The following KIF11 variants were observed in gnomAD, a reference collection of about 807,000 sequenced individuals.
KIF11 encodes kinesin family member 11.
Under a neutral mutation model 121.0 loss-of-function variants are expected in KIF11, and 9 were observed. The ratio of observed to expected loss-of-function variants is 0.07; its 90% confidence interval spans 0.04 to 0.13. The LOEUF is 0.13. Among genes scored for constraint, KIF11 ranks in the 10% least tolerant of loss-of-function variants. The probability of loss-of-function intolerance (pLI) is 1.00; values close to 1 mark genes in which losing one functional copy is unlikely to be tolerated. For missense variants in KIF11, 846 were observed against 1,217.5 expected (o/e 0.69, Z 4.54); for synonymous variants, 408 against 421.0 (o/e 0.97, Z 0.38).
At position 92,651,507 on chromosome 10, in the gene KIF11, G is replaced by GTTTTTTTTTTTTTTTTTTTTTTTTT. The variant is rs1175303233; in HGVS notation, c.3039+1007_3039+1031dup. On this transcript the variant is annotated intron_variant, in intron 21 of 21. Transcript: ENST00000260731. ...TGTGCCACCATGCCTGGCTAATTTT[G>GTTTTTTTTTTTTTTTTTTTTTTTTT]TTTTTTTTTTTTTTTTTTTTTTTTT... is the stretch of plus-strand genomic sequence containing the variant. Among the ~76,000 whole-genome samples the GTTTTTTTTTTTTTTTTTTTTTTTTT allele has an allele frequency of 1.3e-4, 7 of 52,974 alleles. 1 individual carries two copies. Among genetic ancestry groups the GTTTTTTTTTTTTTTTTTTTTTTTTT allele is most frequent in the Admixed American group, 5.1e-4 (2 of 3,942 alleles). 34.8% of individuals were successfully genotyped at this position (52,974 alleles called of 152,430 possible).
chr10:92,649,838 C>A lies in KIF11; in HGVS notation c.2774C>A (p.Thr925Lys). 6.2e-7 allele frequency: 1 copy of A among 1,600,630 alleles called. No homozygotes were observed. Among genetic ancestry groups the A allele is most frequent in the Non-Finnish European group, 8.5e-7 (1 of 1,170,194 alleles). Residue 925 changes from threonine to lysine, a missense_variant, in exon 20 of 22, where the codon ACG (threonine) becomes AAG (lysine). Thr to Lys is a moderately conservative substitution (Grantham distance 78). Transcript: ENST00000260731. ...QDLKLDIPTG[T>K]TPQRKSYLYP... ...TCTTATCTAATGTCCGTTAAAGGTA[C>A]GACACCACAGAGGAAAAGTTATTTA...
chr10:92,621,500 T>G, intron 10 of KIF11, 27 bp downstream of exon 10: 1 of 1,368,968 alleles, frequency 7.3e-7, no homozygotes, highest in African/African-American at 1.4e-5. Context: ...GGAGTTAATT[T>G]CCAAGAATAA....
chr10:92,606,386 A>G lies in KIF11; in HGVS notation c.199A>G (p.Thr67Ala). The change falls in exon 2 of 22, where the codon ACT becomes GCT. Residue 67 changes from threonine to alanine, a missense_variant. Transcript: ENST00000260731. ...LADKSSRKTY[T>A]FDMVFGASTK... ...TGACAAGAGCTCAAGGAAAACATAC[A>G]CTTTTGATATGGTAACATATGGTGC... is the stretch of plus-strand genomic sequence containing the variant. The G allele has an allele frequency of 1.2e-6, 2 of 1,603,562 alleles. No homozygotes were observed. The highest frequency in any genetic ancestry group is 1.7e-6 in the Non-Finnish European group (2 of 1,177,314).
chr10:92,651,876 G>A (rs759867568), intron 21 of KIF11, among the ~76,000 whole-genome samples: 1 of 149,708 alleles, frequency 6.7e-6, no homozygotes, highest in African/African-American at 2.4e-5. Flanking sequence ...TAGACAGAGT[G>A]TGTGAAGGAA....
intron 20 of KIF11, 95 bp from the exon 21 acceptor site, chr10:92,650,306 T>C (rs1844967218): frequency 2.8e-6 from 2 of 724,876 alleles, no homozygotes; most frequent in South Asian, 1.6e-5. Context: ...TTTTATATTA[T>C]ACCATGGGCA....
At chr10:92,612,511 T>C (rs1291051569) in intron 6 of KIF11, among the ~76,000 whole-genome samples, 3 of 152,224 alleles carry the variant, frequency 2.0e-5, no homozygotes, top group Non-Finnish European at 4.4e-5. Flanking sequence ...TGTAGTGTTT[T>C]AGTAATCATG....
At chr10:92,649,285 G>C (rs1844955405) in intron 19 of KIF11, among the ~76,000 whole-genome samples, 1 of 152,128 alleles carries the variant, frequency 6.6e-6, no homozygotes. Context: ...TAAATCATGA[G>C]AGCATGAGCT....
intron 1 of KIF11, among the ~76,000 whole-genome samples, chr10:92,594,438 C>G (rs1296433179): frequency 6.6e-6 from 1 of 152,150 alleles, no homozygotes; most frequent in East Asian, 1.9e-4. Context: ...AGTTGTTGTA[C>G]TCTGGGGCTT....
Position 92,593,320 on chromosome 10 carries a change from G to A in KIF11, c.-56G>A. The A allele has an allele frequency of 6.5e-7, 1 of 1,546,882 alleles. No individual in the cohort carries two copies. The highest frequency in any genetic ancestry group is 1.2e-5 in the South Asian group (1 of 84,638). ...CCCCTGTCGGCCGCCAAGCCCCTCC[G>A]CCCCTCACAGCGCCCAGGTCCGCGG... On this transcript the variant is annotated 5_prime_UTR_variant, in exon 1 of 22. Transcript: ENST00000260731.
Position 92,609,079 on chromosome 10 carries a change from T to A in KIF11, c.447T>A (p.Asp149Glu). Residue 149 changes from aspartate to glutamate, a missense_variant, in exon 5 of 22, where the codon GAT becomes GAA. Physicochemically the swap from Asp to Glu is conservative, Grantham distance 45. Transcript: ENST00000260731. ...ATCAAATTTTTGAGAAACTTACTGA[T>A]AATGGTACTGAATTTTCAGTCAAAG... ...TLHQIFEKLTDNGTEFSVKVS... is the reference protein window; with the variant it reads ...TLHQIFEKLTENGTEFSVKVS... 1.2e-6 allele frequency: 2 copies of A among 1,603,218 alleles called. No individual in the cohort carries two copies. The highest frequency in any genetic ancestry group is 1.7e-6 in the Non-Finnish European group (2 of 1,174,432).
intron 1 of KIF11, among the ~76,000 whole-genome samples, chr10:92,599,526 A>G (rs1171508577): frequency 6.8e-6 from 1 of 147,108 alleles, no homozygotes; most frequent in Non-Finnish European, 1.5e-5. Context: ...CTCTGTCTCA[A>G]AAAAAAAAAA....
At chr10:92,625,614 G>T (rs777412431) in intron 10 of KIF11, among the ~76,000 whole-genome samples, 2 of 152,042 alleles carry the variant, frequency 1.3e-5, no homozygotes, top group Non-Finnish European at 2.9e-5. Flanking sequence ...CTCCCAAACT[G>T]CTGGGATTAC....
At chr10:92,645,252 CAG>C in intron 17 of KIF11, 109 bp from the exon 18 acceptor site, 2 of 733,622 alleles carry the variant, frequency 2.7e-6, no homozygotes, top group Non-Finnish European at 4.4e-6. Context: ...GCCCTGGAGC[CAG>C]ACTGTCCACG....
chr10:92,630,332 A>G lies in KIF11; in HGVS notation c.1462A>G (p.Thr488Ala). 6.3e-7 allele frequency: 1 copy of G among 1,591,406 alleles called. No individual in the cohort carries two copies. Among genetic ancestry groups the G allele is most frequent in the East Asian group, 2.3e-5 (1 of 44,442 alleles). ...ATATATCACATCAGCTTTGGAAAGTACTGAGGAGAAACTTCATGATGCTGC... is the reference window on the plus strand; with the variant it reads ...ATATATCACATCAGCTTTGGAAAGTGCTGAGGAGAAACTTCATGATGCTGC... ...EEYITSALES[T>A]EEKLHDAASK... The change falls in exon 12 of 22, where the codon ACT becomes GCT. Residue 488 changes from threonine to alanine, a missense_variant. Physicochemically the swap from Thr to Ala is moderately conservative, Grantham distance 58. Coordinates refer to ENST00000260731, the MANE Select transcript of KIF11 (RefSeq NM_004523.4).
At chr10:92,628,716 GTT>G (rs1844703411) in intron 10 of KIF11, 90 bp from the exon 11 acceptor site, 8 of 627,790 alleles carry the variant, frequency 1.3e-5, no homozygotes, top group Non-Finnish European at 2.2e-5. Context: ...TTGGAAATGA[GTT>G]TGTGTAGCTG....
At chr10:92,603,336 G>T (rs1459577921) in intron 1 of KIF11, among the ~76,000 whole-genome samples, 1 of 136,552 alleles carries the variant, frequency 7.3e-6, no homozygotes, top group African/African-American at 2.7e-5. Flanking sequence ...CGCATTCTTG[G>T]CTCACCGCAA....
At chr10:92,636,747 A>AT (rs1293495562) in intron 14 of KIF11, among the ~76,000 whole-genome samples, 5 of 151,496 alleles carry the variant, frequency 3.3e-5, no homozygotes, top group Non-Finnish European at 7.4e-5. Context: ...AAAATGGAGA[A>AT]TGGGGCCGGG....
chr10:92,603,264 T>TTTTC (rs1554859094), intron 1 of KIF11, among the ~76,000 whole-genome samples: 20 of 18,930 alleles, frequency 1.1e-3, no homozygotes, highest in Non-Finnish European at 1.6e-4. Flanking sequence ...TTTTCTTTTC[T>TTTTC]TTTTTTTTTT....
intron 10 of KIF11, among the ~76,000 whole-genome samples, chr10:92,627,733 G>A (rs1041083679): frequency 1.3e-5 from 2 of 152,134 alleles, no homozygotes; most frequent in Non-Finnish European, 2.9e-5. Flanking sequence ...CACTATAGAT[G>A]AAAAAGTGGT....
Sources: gnomAD v4.1 joint callset for allele counts (sites outside exome capture counted in the v4.1 genomes callset) on GRCh38, gnomAD v4.1.1 for gene constraint, MANE v1.5 for transcripts, NCBI Gene and HGNC (gene_info 2026-07-23, HGNC 2026-07-21) for gene names.